Variants in ABLIM1 observed in about 807,000 individuals in gnomAD.
ABLIM1 encodes actin-binding LIM protein 1.
Under a neutral mutation model 107.0 loss-of-function variants are expected in ABLIM1, and 40 were observed. The observed-to-expected ratio is 0.37, with a 90% CI of 0.29 to 0.49. The LOEUF is 0.49. Ranked by LOEUF, ABLIM1 falls within the 20% of genes least tolerant of loss-of-function variation. The probability of loss-of-function intolerance (pLI) is 0.97; values close to 1 mark genes in which losing one functional copy is unlikely to be tolerated. For missense variants in ABLIM1, 857 were observed against 1,008.5 expected, an observed-to-expected ratio of 0.85 and a Z score of 2.04; for synonymous variants, 357 against 357.3, an observed-to-expected ratio of 1.00 and a Z score of 0.01.
chr10:114,473,952 G>A lies in ABLIM1; in HGVS notation c.1046C>T (p.Thr349Ile). 3 of 1,613,284 alleles carry A rather than the reference G, an allele frequency of 1.9e-6. No homozygotes were observed. Among genetic ancestry groups the A allele is most frequent in the Non-Finnish European group, 2.5e-6 (3 of 1,179,490 alleles). The change falls in exon 9 of 23, where the codon ACC (threonine) becomes ATC (isoleucine). Residue 349 changes from threonine to isoleucine, a missense_variant. Physicochemically the swap from Thr to Ile is moderately conservative, Grantham distance 89 (BLOSUM62 -1). Around this residue, in one of 5 missense-constraint regions of ABLIM1, gnomAD observed 381 missense variants for 506.9 expected, o/e 0.75. Transcript: ENST00000533213. ...STKTEEKLRP[T>I]RTSSESIYSR... The stretch of plus-strand genomic sequence containing the variant: ...ATAAATACTTTCCGAGGATGTCCTG[G>A]TAGGCTGTAAAATAAACAGTGACTT...
upstream of ABLIM1, among the ~76,000 whole-genome samples, chr10:114,687,026 C>T (rs2080957708): frequency 6.6e-6 from 1 of 152,176 alleles, no homozygotes; most frequent in South Asian, 2.1e-4. Context: ...AAACACAGAG[C>T]AGAAATCTTT....
At chr10:114,486,400 G>A (rs183987780) in intron 8 of ABLIM1, among the ~76,000 whole-genome samples, 1 of 152,252 alleles carries the variant, frequency 6.6e-6, no homozygotes, top group Non-Finnish European at 1.5e-5. Context: ...TATAGCTACT[G>A]GGGTGGTTTC....
the ABLIM1 span, among the ~76,000 whole-genome samples, chr10:114,798,795 TTTAA>T: frequency 6.6e-6 from 1 of 151,740 alleles, no homozygotes. Context: ...ATGTATTTTT[TTTAA>T]TTAATTTTTT....
intron 1 of ABLIM1, among the ~76,000 whole-genome samples, chr10:114,704,298 C>CTATATATATATATATA (rs1368796727): frequency 3.5e-5 from 1 of 28,728 alleles, no homozygotes; most frequent in Non-Finnish European, 7.8e-5. Flanking sequence ...CTCTCTCTCT[C>CTATATATATATATATA]TCTCTATATA....
At chr10:114,599,008 AAAAGTCACAGAC>A (rs1249247815) in intron 2 of ABLIM1, among the ~76,000 whole-genome samples, 242 of 152,304 alleles carry the variant, frequency 1.6e-3, no homozygotes, top group African/African-American at 5.7e-3. Context: ...GAATCTTGGG[AAAAGTCACAGAC>A]TCCCTACGGG....
chr10:114,595,181 G>C (rs2075298126), intron 2 of ABLIM1: 1 of 150,064 alleles, frequency 6.7e-6, no homozygotes, highest in Non-Finnish European at 1.5e-5. Flanking sequence ...CCTGAAAAAT[G>C]CTCATGATAA....
intron 1 of ABLIM1, among the ~76,000 whole-genome samples, chr10:114,638,823 G>A (rs1048540748): frequency 6.6e-6 from 1 of 152,120 alleles, no homozygotes; most frequent in African/African-American, 2.4e-5. Context: ...ACTTCATATG[G>A]AAGGACCTGT....
At chr10:114,439,043 G>A (rs887422103) in intron 21 of ABLIM1, 133 bp downstream of exon 21, 3 of 1,005,902 alleles carry the variant, frequency 3.0e-6, no homozygotes, top group East Asian at 2.6e-5. Context: ...GAATGGCAAG[G>A]TGCATATTCA....
chr10:114,476,715 T>C (rs1436989775), intron 8 of ABLIM1, among the ~76,000 whole-genome samples: 1 of 151,268 alleles, frequency 6.6e-6, no homozygotes, highest in East Asian at 1.9e-4. Flanking sequence ...CTAATCAAAA[T>C]ATAGAAGTGG....
At chr10:114,769,035 C>A (rs2082971054), upstream of ABLIM1, among the ~76,000 whole-genome samples, 1 of 151,750 alleles carries the variant, frequency 6.6e-6, no homozygotes, top group Admixed American at 6.6e-5. Flanking sequence ...TGTGCACTCT[C>A]AAAACAGATG....
At chr10:114,623,584 G>A (rs17719089) in intron 1 of ABLIM1, among the ~76,000 whole-genome samples, 2 of 152,032 alleles carry the variant, frequency 1.3e-5, no homozygotes, top group African/African-American at 4.8e-5. Context: ...CCACAGAAAC[G>A]ACAGATTACC....
chr10:114,756,872 G>A (rs2082641578), intron 1 of ABLIM1, among the ~76,000 whole-genome samples: 1 of 152,138 alleles, frequency 6.6e-6, no homozygotes, highest in East Asian at 1.9e-4. Flanking sequence ...TGTATGTAAC[G>A]CCATCGTGCC....
intron 6 of ABLIM1, 48 bp from the exon 7 acceptor site, chr10:114,491,926 T>C: frequency 7.0e-7 from 1 of 1,429,210 alleles, no homozygotes; most frequent in Non-Finnish European, 9.8e-7. Flanking sequence ...TTGTCATGGA[T>C]TCCAGAATCT....
intron 8 of ABLIM1, among the ~76,000 whole-genome samples, chr10:114,487,006 G>T (rs2058292429): frequency 6.6e-6 from 1 of 152,204 alleles, no homozygotes; most frequent in Non-Finnish European, 1.5e-5. Context: ...CAGAGCGAAT[G>T]GGTCTCGTTG....
intron 8 of ABLIM1, 42 bp downstream of exon 8, chr10:114,487,916 C>A (rs776383018): frequency 1.9e-6 from 3 of 1,607,370 alleles, no homozygotes; most frequent in Non-Finnish European, 2.6e-6. Context: ...GAGCGTATGG[C>A]CTACAAATGC....
chr10:114,447,199 A>G (rs978598687), intron 15 of ABLIM1, among the ~76,000 whole-genome samples: 9 of 152,186 alleles, frequency 5.9e-5, no homozygotes, highest in African/African-American at 2.2e-4. Flanking sequence ...TAGGTTCACT[A>G]CTGATAATAT....
At chr10:114,780,139 C>T in the ABLIM1 span, among the ~76,000 whole-genome samples, 1 of 152,068 alleles carries the variant, frequency 6.6e-6, no homozygotes, top group East Asian at 1.9e-4. Context: ...AAAGCAAAGG[C>T]CTTCTCTCTT....
intron 6 of ABLIM1, among the ~76,000 whole-genome samples, chr10:114,493,178 T>A (rs1357837293): frequency 1.3e-5 from 2 of 152,148 alleles, no homozygotes; most frequent in African/African-American, 4.8e-5. Flanking sequence ...TGAAGTCAAA[T>A]GTGAGCAGAA....
In ABLIM1 at chr10:114,440,070, A is replaced by G; in HGVS notation, c.2067+12T>C. On this transcript the variant is annotated intron_variant, in intron 20 of 22. Transcript: ENST00000533213. ...GGTGTGGCCAATTCAAGAAAGACAA[A>G]GTGTTCCATACCTGGTAATCTGAAA... 1 of 1,613,906 alleles carries G rather than the reference A, an allele frequency of 6.2e-7. No individual in the cohort carries two copies. Among genetic ancestry groups the G allele is most frequent in the South Asian group, 1.1e-5 (1 of 91,072 alleles).
Sources: gnomAD v4.1 joint callset for allele counts (sites outside exome capture counted in the v4.1 genomes callset) on GRCh38, gnomAD v4.1.1 for gene constraint, gnomAD v4.1.1 regional missense constraint, MANE v1.5 for transcripts, NCBI Gene and HGNC (gene_info 2026-07-23, HGNC 2026-07-21) for gene names.